Variants in CTNND2 observed in about 807,000 individuals in gnomAD.
CTNND2 encodes catenin delta 2.
Under a neutral mutation model 144.4 loss-of-function variants are expected in CTNND2, and 22 were observed. That is an observed-to-expected ratio of 0.15 (90% CI 0.11 to 0.22). CTNND2 has a LOEUF of 0.22. Among genes scored for constraint, CTNND2 ranks in the 10% least tolerant of loss-of-function variants. CTNND2 has a pLI of 1.00. For missense variants in CTNND2, 1,353 were observed against 1,618.8 expected (o/e 0.84, Z 2.82); for synonymous variants, 751 against 695.6 (o/e 1.08, Z -1.25).
At chr5:11,291,420 T>C (rs1748340829) in intron 9 of CTNND2, among the ~76,000 whole-genome samples, 1 of 152,190 alleles carries the variant, frequency 6.6e-6, no homozygotes, top group Non-Finnish European at 1.5e-5. Flanking sequence ...ATCCTGTTCC[T>C]TCAGTTCACA....
At chr5:11,225,774 A>C (rs1173137815) in intron 10 of CTNND2, among the ~76,000 whole-genome samples, 1 of 152,164 alleles carries the variant, frequency 6.6e-6, no homozygotes, top group South Asian at 2.1e-4. Context: ...TAGGTTGAAT[A>C]TCGTCCCCCA....
chr5:11,736,226 T>TA (rs938149003), intron 1 of CTNND2, among the ~76,000 whole-genome samples: 17 of 152,146 alleles, frequency 1.1e-4, no homozygotes, highest in African/African-American at 3.6e-4. Context: ...TGACCTGTCA[T>TA]AAAAAAATAT....
chr5:11,411,889 G>A, intron 4 of CTNND2, 146 bp downstream of exon 4: 3 of 728,054 alleles, frequency 4.1e-6, no homozygotes, highest in Non-Finnish European at 7.1e-6. Flanking sequence ...TCAATAAATT[G>A]TGAACTATCA....
intron 9 of CTNND2, among the ~76,000 whole-genome samples, chr5:11,296,588 G>A (rs1749040447): frequency 6.6e-6 from 1 of 152,160 alleles, no homozygotes; most frequent in Non-Finnish European, 1.5e-5. Context: ...CAACCCAAAT[G>A]TCCAACAATG....
At chr5:11,767,831 C>T (rs1359568369) in intron 1 of CTNND2, among the ~76,000 whole-genome samples, 1 of 152,090 alleles carries the variant, frequency 6.6e-6, no homozygotes, top group Non-Finnish European at 1.5e-5. Flanking sequence ...TCGCTGTTCC[C>T]CCTGGCTAGA....
At chr5:11,219,705 C>T (rs907594852) in intron 10 of CTNND2, among the ~76,000 whole-genome samples, 20 of 152,008 alleles carry the variant, frequency 1.3e-4, no homozygotes, top group Admixed American at 2.0e-4. Context: ...AATCTGAAGA[C>T]GAAGGAAGAG....
intron 18 of CTNND2, among the ~76,000 whole-genome samples, chr5:11,001,103 A>G (rs555232732): frequency 6.6e-6 from 1 of 152,308 alleles, no homozygotes; most frequent in South Asian, 2.1e-4. Flanking sequence ...CTGAGCCCCA[A>G]TCACACCTGA....
intron 9 of CTNND2, among the ~76,000 whole-genome samples, chr5:11,245,050 C>T (rs1742854739): frequency 1.3e-5 from 2 of 152,190 alleles, no homozygotes; most frequent in South Asian, 4.1e-4. Context: ...GTTATAAACA[C>T]AGGGTCAGCA....
At chr5:11,562,771 C>T (rs1776780112) in intron 3 of CTNND2, among the ~76,000 whole-genome samples, 1 of 152,152 alleles carries the variant, frequency 6.6e-6, no homozygotes, top group East Asian at 1.9e-4. Flanking sequence ...ATTCAAGACA[C>T]TTTGGATGTA....
chr5:11,361,719 T>C (rs992512168), intron 8 of CTNND2, among the ~76,000 whole-genome samples: 2 of 152,228 alleles, frequency 1.3e-5, no homozygotes, highest in Admixed American at 1.3e-4. Flanking sequence ...CACCATCTTT[T>C]TCTATCTTTC....
chr5:11,762,916 G>A (rs752134196), intron 1 of CTNND2, among the ~76,000 whole-genome samples: 6 of 152,190 alleles, frequency 3.9e-5, no homozygotes, highest in Admixed American at 3.3e-4. Context: ...TCCACTTGCT[G>A]TTAGTAAATA....
At position 11,292,086 on chromosome 5, in the gene CTNND2, C is replaced by A. The variant is rs546155689; in HGVS notation, c.1628+54286G>T. ...AGAGACCTCAGAATAATCCTCAGTT[C>A]CAAGTTCTCCTGCTTATGATTGAAG... is the stretch of plus-strand genomic sequence containing the variant. On this transcript the variant is annotated intron_variant, in intron 9 of 21. Coordinates refer to ENST00000304623, the MANE Select transcript of CTNND2 (RefSeq NM_001332.4). Among the ~76,000 whole-genome samples, 3 of 152,206 alleles carry A rather than the reference C, an allele frequency of 2.0e-5. No homozygotes were observed. The South Asian group carries it at 6.2e-4, about 32-fold the overall frequency.
chr5:11,825,687 C>T (rs1321052721), intron 1 of CTNND2, among the ~76,000 whole-genome samples: 3 of 151,886 alleles, frequency 2.0e-5, no homozygotes, highest in Non-Finnish European at 4.4e-5. Flanking sequence ...TATTAATTTG[C>T]TTTTGCTGAA....
intron 10 of CTNND2, among the ~76,000 whole-genome samples, chr5:11,233,364 A>G (rs1432586283): frequency 6.6e-6 from 1 of 152,246 alleles, no homozygotes; most frequent in Non-Finnish European, 1.5e-5. Context: ...GGAACAAGAA[A>G]GGCATGATTT....
intron 3 of CTNND2, among the ~76,000 whole-genome samples, chr5:11,446,356 C>T (rs1030273560): frequency 3.9e-5 from 6 of 152,150 alleles, no homozygotes; most frequent in Non-Finnish European, 8.8e-5. Context: ...TTCTTCTCCT[C>T]GGTTCATGGG....
At chr5:11,360,634 G>A (rs900858062) in intron 8 of CTNND2, among the ~76,000 whole-genome samples, 1 of 152,132 alleles carries the variant, frequency 6.6e-6, no homozygotes, top group African/African-American at 2.4e-5. Flanking sequence ...AGAGAGGAAG[G>A]CCACTTTAGT....
At chr5:11,243,547 C>T (rs1338747074) in intron 9 of CTNND2, among the ~76,000 whole-genome samples, 2 of 152,166 alleles carry the variant, frequency 1.3e-5, no homozygotes, top group East Asian at 3.8e-4. Context: ...TAGCCAAACT[C>T]GTAACTCTCA....
intron 8 of CTNND2, among the ~76,000 whole-genome samples, chr5:11,352,843 T>C (rs569169800): frequency 2.0e-5 from 3 of 152,196 alleles, no homozygotes; most frequent in Non-Finnish European, 4.4e-5. Context: ...TACAGCATAA[T>C]GGACTTCAGC....
intron 9 of CTNND2, among the ~76,000 whole-genome samples, chr5:11,271,007 T>C (rs1580760414): frequency 1.3e-5 from 2 of 152,216 alleles, no homozygotes; most frequent in East Asian, 3.8e-4. Context: ...ACTATGACTT[T>C]AGTTCTATTT....
Sources: gnomAD v4.1 joint callset for allele counts (sites outside exome capture counted in the v4.1 genomes callset) on GRCh38, gnomAD v4.1.1 for gene constraint, MANE v1.5 for transcripts, NCBI Gene and HGNC (gene_info 2026-07-23, HGNC 2026-07-21) for gene names.